RBM4B: variants seen among roughly 807,000 people sequenced by gnomAD.
RBM4B encodes the protein RNA-binding protein 4B.
RBM4B carries 13 observed loss-of-function variants against 28.5 expected under a neutral mutation model. The ratio of observed to expected loss-of-function variants is 0.46; its 90% CI spans 0.30 to 0.72. The LOEUF (loss-of-function observed/expected upper bound fraction) is 0.72. Ranked by LOEUF, RBM4B falls within the 30% of genes least tolerant of loss-of-function variation. The probability of loss-of-function intolerance (pLI) is 0.09; values close to 1 mark genes in which losing one functional copy is unlikely to be tolerated. For missense variants in RBM4B, 387 were observed against 477.6 expected (o/e 0.81, Z 1.77); for synonymous variants, 167 against 179.1 (o/e 0.93, Z 0.54).
At chr11:66,670,237 G>A (rs368040611) in intron 2 of RBM4B, among the ~76,000 whole-genome samples, 1 of 54,566 alleles carries the variant, frequency 1.8e-5, no homozygotes, top group African/African-American at 8.4e-5. Flanking sequence ...ACCCACCCCC[G>A]ACCCCCCCAA....
rs762389116 is a variant in RBM4B, at chr11:66,668,757, A to G, written c.947T>C (p.Val316Ala). 22 of 1,614,018 alleles carry G rather than the reference A, an allele frequency of 1.4e-5. No homozygotes were observed. Among genetic ancestry groups the G allele is most frequent in the East Asian group, 8.9e-5 (4 of 44,902 alleles). ...TGGCCCATAACCGTAGCCCTCTCCA[A>G]CTGTGGGGAGCATGGCTGCAGCACG... ...LRRAAAMLPT[V>A]GEGYGYGPES... The change falls in exon 3 of 4, where the codon GTT (valine) becomes GCT (alanine). Residue 316 changes from valine (V) to alanine (A), a missense_variant. Around this residue, in one of 2 missense-constraint regions of RBM4B, gnomAD observed 226 missense variants for 220.6 expected, o/e 1.02. Coordinates refer to ENST00000310046, the MANE Select transcript of RBM4B (RefSeq NM_031492.4).
In RBM4B at chr11:66,677,844, G is replaced by A. The variant is rs892782151; in HGVS notation, c.-93C>T. ...GCGACGGCCGCTCGAGCCTGGACGC[G>A]ACCGGGCCCTTTCTCGCGCGCCAGC... On this transcript the variant is annotated 5_prime_UTR_variant, in exon 1 of 4. Transcript: ENST00000310046. 1.3e-5 allele frequency: 2 copies of A among 152,682 alleles called. No individual in the cohort carries two copies. The highest frequency in any genetic ancestry group is 2.9e-5 in the Non-Finnish European group (2 of 68,098). The allele number at this position is 152,682 out of a possible 1,614,324, so 9.5% of individuals were successfully genotyped here. A position where few individuals can be genotyped will look rare whatever the true frequency, so the allele number is the denominator to read the frequency against.
At position 66,669,049 on chromosome 11, in the gene RBM4B, C is replaced by G. The variant is rs374733996; in HGVS notation, c.655G>C (p.Asp219His). Residue 219 changes from aspartate to histidine, a missense_variant, in exon 3 of 4, where the codon GAC (aspartate) becomes CAC (histidine). By Grantham distance (81) the Asp-to-His change is moderately conservative. Coordinates refer to ENST00000310046, the MANE Select transcript of RBM4B (RefSeq NM_031492.4). ...CGGACCCGGTATCGCTTATAGTAGT[C>G]GAGTGCTCCATATGCATCGTTGTAA... ...MYYNDAYGAL[D>H]YYKRYRVRSY... 35 of 1,614,038 alleles carry G rather than the reference C, an allele frequency of 2.2e-5. No homozygotes were observed. Among genetic ancestry groups the G allele is most frequent in the Non-Finnish European group, 3.0e-5 (35 of 1,180,032 alleles).
chr11:66,670,440 A>G (rs1311873705), intron 2 of RBM4B, among the ~76,000 whole-genome samples: 1 of 152,104 alleles, frequency 6.6e-6, no homozygotes, highest in Admixed American at 6.6e-5. Context: ...AGAGACCTCT[A>G]GGAACCCACA....
intron 3 of RBM4B, chr11:66,666,128 A>G: frequency 1.3e-6 from 1 of 771,334 alleles, no homozygotes; most frequent in Non-Finnish European, 2.0e-6. Flanking sequence ...TCACAGAGTG[A>G]GAGCCACAGT....
chr11:66,670,878 G>T (rs184848248), intron 2 of RBM4B: 6 of 702,162 alleles, frequency 8.5e-6, no homozygotes, highest in Non-Finnish European at 1.6e-5. Context: ...TACTCTTAAG[G>T]ACTGCTGAGA....
At chr11:66,667,994 T>C in intron 3 of RBM4B, 1 of 152,778 alleles carries the variant, frequency 6.5e-6, no homozygotes, top group Non-Finnish European at 1.5e-5. Flanking sequence ...AGTGAGCCAC[T>C]GCCTCTGCCT....
intron 2 of RBM4B, among the ~76,000 whole-genome samples, chr11:66,670,244 C>A (rs149335904): frequency 4.2e-4 from 57 of 135,800 alleles, no homozygotes; most frequent in East Asian, 1.8e-3. Context: ...CCCGACCCCC[C>A]CAAGGCTACT....
chr11:66,675,028 C>T (rs1939596600), intron 2 of RBM4B, among the ~76,000 whole-genome samples: 3 of 152,238 alleles, frequency 2.0e-5, no homozygotes, highest in Non-Finnish European at 4.4e-5. Context: ...GATGATTTCC[C>T]CCATCAAATG....
chr11:66,666,948 T>C (rs1024135504), intron 3 of RBM4B: 5 of 151,996 alleles, frequency 3.3e-5, no homozygotes, highest in African/African-American at 1.2e-4. Context: ...GGAGCCACTC[T>C]TGCCCAGGCT....
intron 1 of RBM4B, chr11:66,677,532 A>C (rs1590890357): frequency 6.2e-6 from 1 of 161,366 alleles, no homozygotes; most frequent in Non-Finnish European, 1.4e-5. Flanking sequence ...CAAACCGGGG[A>C]CCAACCACCT....
At position 66,677,776 on chromosome 11, in the gene RBM4B, G is replaced by C. The variant is rs1939691484; in HGVS notation, c.-25C>G. The C allele has an allele frequency of 6.5e-6, 1 of 152,686 alleles. No homozygotes were observed. The highest frequency in any genetic ancestry group is 2.1e-4 in the South Asian group (1 of 4,860). 9.5% of individuals were successfully genotyped at this position (152,686 alleles called of 1,614,324 possible). A position where few individuals can be genotyped will look rare whatever the true frequency, so the allele number is the denominator to read the frequency against. ...GACCCCCTCGCACCTCCGGGTGGCGGCAGCGACGGCGGCTCCCACGTCAGA... is the reference window on the plus strand; with the variant it reads ...GACCCCCTCGCACCTCCGGGTGGCGCCAGCGACGGCGGCTCCCACGTCAGA... On this transcript the variant is annotated 5_prime_UTR_variant, in exon 1 of 4. Transcript: ENST00000310046.
rs1361347714 is a variant in RBM4B at position 66,669,028 on chromosome 11, C to G, written c.676G>C (p.Val226Leu). Residue 226 changes from valine (V) to leucine (L), a missense_variant, in exon 3 of 4, where the codon GTC becomes CTC. Coordinates refer to ENST00000310046, the MANE Select transcript of RBM4B (RefSeq NM_031492.4). ...GCTGCTACTGCCTCATAAGAGCGGA[C>G]CCGGTATCGCTTATAGTAGTCGAGT... ...GALDYYKRYR[V>L]RSYEAVAAAA... 1 of 1,614,074 alleles carries G rather than the reference C, an allele frequency of 6.2e-7. No homozygotes were observed. The highest frequency in any genetic ancestry group is 8.5e-7 in the Non-Finnish European group (1 of 1,180,056).
chr11:66,666,033 T>C, intron 3 of RBM4B: 1 of 1,338,058 alleles, frequency 7.5e-7, no homozygotes, highest in Non-Finnish European at 1.0e-6. Flanking sequence ...GTAAACAAGC[T>C]TTCAGAAATG....
At chr11:66,674,431 T>C (rs974918498) in intron 2 of RBM4B, among the ~76,000 whole-genome samples, 2 of 151,910 alleles carry the variant, frequency 1.3e-5, no homozygotes, top group African/African-American at 2.4e-5. Flanking sequence ...GGTTTCACCA[T>C]GTTGAGCAGG....
At chr11:66,671,703 T>A (rs573381426) in intron 2 of RBM4B, among the ~76,000 whole-genome samples, 3 of 152,230 alleles carry the variant, frequency 2.0e-5, no homozygotes, top group African/African-American at 7.2e-5. Context: ...TCTACCTCTG[T>A]GTAGTTGTGA....
At chr11:66,667,430 AAC>A (rs1014334235) in intron 3 of RBM4B, 7 of 152,182 alleles carry the variant, frequency 4.6e-5, no homozygotes, top group African/African-American at 1.7e-4. Flanking sequence ...AACAACAAAA[AAC>A]ACAAACAAAA....
chr11:66,666,498 A>C lies in RBM4B; in HGVS notation c.*10-920T>G, dbSNP rs1000670481. 6.2e-6 allele frequency: 6 copies of C among 973,930 alleles called. 1 individual carries two copies. The African/African-American group carries it at 1.1e-4, about 17-fold the overall frequency. 60.3% of individuals were successfully genotyped at this position (973,930 alleles called of 1,614,324 possible). ...CAGTCCATTTGAGGTTCACACCTGG[A>C]AGGTAAGTTTCTTTAAAAGTCATCG... On this transcript the variant is annotated intron_variant, in intron 3 of 3. Transcript: ENST00000310046.
intron 2 of RBM4B, chr11:66,671,052 G>A (rs1004467826): frequency 3.1e-5 from 22 of 701,908 alleles, no homozygotes; most frequent in Non-Finnish European, 4.4e-5. Flanking sequence ...AGAGGGGAGC[G>A]GGTTAGTGTG....
Sources: gnomAD v4.1 joint callset for allele counts (sites outside exome capture counted in the v4.1 genomes callset) on GRCh38, gnomAD v4.1.1 for gene constraint, gnomAD v4.1.1 regional missense constraint, MANE v1.5 for transcripts, NCBI Gene and HGNC (gene_info 2026-07-23, HGNC 2026-07-21) for gene names.